The following MCPH1 variants were observed in gnomAD, a reference collection of about 807,000 sequenced individuals.
MCPH1 encodes the protein microcephalin 1, also known as microcephalin.
MCPH1 carries 104 observed loss-of-function variants against 84.5 expected under a neutral mutation model. That is an observed-to-expected ratio of 1.23 (90% CI 1.05 to 1.45). The LOEUF is 1.45. Among genes scored for constraint, MCPH1 ranks in the 40% most tolerant of loss-of-function variants. The pLI is 0.00. For missense variants in MCPH1, 1,498 were observed against 1,005.7 expected, an observed-to-expected ratio of 1.49 and a Z score of -6.62; for synonymous variants, 514 against 366.8, an observed-to-expected ratio of 1.40 and a Z score of -4.58.
intron 4 of MCPH1, 122 bp from the exon 5 acceptor site, chr8:6,435,926 C>A: frequency 1.7e-6 from 2 of 1,187,080 alleles, no homozygotes; most frequent in African/African-American, 1.6e-5. Flanking sequence ...GCAAGAAACA[C>A]CTCTTTTAGA....
chr8:6,407,947 T>C (rs1188508145), intron 1 of MCPH1, among the ~76,000 whole-genome samples: 1 of 152,218 alleles, frequency 6.6e-6, no homozygotes, highest in African/African-American at 2.4e-5. Flanking sequence ...TAAAGTTTTA[T>C]TGGAACACAG....
intron 3 of MCPH1, among the ~76,000 whole-genome samples, chr8:6,422,380 G>C (rs1800338850): frequency 1.3e-5 from 2 of 152,232 alleles, no homozygotes; most frequent in African/African-American, 4.8e-5. Flanking sequence ...GAAATGTGGA[G>C]GGGAGAGTGC....
At chr8:6,601,629 C>T (rs544161080) in intron 12 of MCPH1, among the ~76,000 whole-genome samples, 19 of 149,220 alleles carry the variant, frequency 1.3e-4, no homozygotes, top group Non-Finnish European at 2.4e-4. Flanking sequence ...CACCCACATG[C>T]ACACCATACA....
intron 9 of MCPH1, among the ~76,000 whole-genome samples, chr8:6,473,381 A>AGTG (rs1417344405): frequency 8.8e-6 from 1 of 113,402 alleles, no homozygotes; most frequent in African/African-American, 3.4e-5. Context: ...CCCAGGCTGG[A>AGTG]GTGCAGTGGC....
intron 12 of MCPH1, chr8:6,532,436 G>A: frequency 1.2e-6 from 2 of 1,613,932 alleles, no homozygotes; most frequent in Non-Finnish European, 1.7e-6. Flanking sequence ...ACTGCATTCT[G>A]CTGTATCTCT....
intron 13 of MCPH1, among the ~76,000 whole-genome samples, chr8:6,642,038 TC>T (rs1407292979): frequency 1.3e-5 from 2 of 152,186 alleles, no homozygotes; most frequent in East Asian, 3.8e-4. Flanking sequence ...ATTTTTTTCT[TC>T]CATTTCTAAA....
intron 12 of MCPH1, chr8:6,503,309 T>C (rs1429991116): frequency 6.2e-7 from 1 of 1,603,554 alleles, no homozygotes; most frequent in African/African-American, 1.3e-5. Context: ...TGATGCCAGC[T>C]CCCACCACGA....
intron 11 of MCPH1, among the ~76,000 whole-genome samples, chr8:6,492,590 A>G (rs1373750954): frequency 6.6e-6 from 1 of 150,852 alleles, no homozygotes; most frequent in Non-Finnish European, 1.5e-5. Flanking sequence ...TTTCTATGCT[A>G]TAGAAATAGC....
rs1480832326 is a variant in MCPH1, at chr8:6,505,391, G to GTA, written c.2214+5467_2214+5468dup. ...TAGAATATATATATTCTTTCTATAT[G>GTA]TATATAGAATATATATATTCTTTAT... is the stretch of plus-strand genomic sequence containing the variant. On this transcript the variant is annotated intron_variant, in intron 12 of 13. Transcript: ENST00000344683. Among the ~76,000 whole-genome samples, 207 of 48,916 alleles carry GTA rather than the reference G, an allele frequency of 4.2e-3. 47 individuals are homozygous for GTA. The highest frequency in any genetic ancestry group is 9.1e-3 in the Non-Finnish European group (199 of 21,910). The allele number at this position is 48,916 out of a possible 152,430, so 32.1% of individuals were successfully genotyped here.
intron 12 of MCPH1, among the ~76,000 whole-genome samples, chr8:6,530,862 C>G (rs1018910424): frequency 3.3e-5 from 5 of 152,196 alleles, no homozygotes; most frequent in African/African-American, 1.2e-4. Flanking sequence ...TAGAATGAGT[C>G]TTACGAGAGT....
chr8:6,489,031 A>G lies in MCPH1; in HGVS notation c.2136+8155A>G, dbSNP rs77574953. 2.3e-3 allele frequency among the ~76,000 whole-genome samples: 351 copies of G among 152,222 alleles called. 4 individuals are homozygous for G. The highest frequency in any genetic ancestry group is 8.1e-3 in the African/African-American group (338 of 41,532). On this transcript the variant is annotated intron_variant, in intron 11 of 13. Transcript: ENST00000344683. ...TTCCTGGGGCGACTAACTATAGATAATGGTGCCATTTGCAGAGTTAGGGAA... is the reference window on the plus strand; with the variant it reads ...TTCCTGGGGCGACTAACTATAGATAGTGGTGCCATTTGCAGAGTTAGGGAA...
intron 10 of MCPH1, among the ~76,000 whole-genome samples, chr8:6,479,765 G>T (rs930611128): frequency 6.6e-6 from 1 of 152,138 alleles, no homozygotes; most frequent in African/African-American, 2.4e-5. Flanking sequence ...AGGGAAGAAA[G>T]AACTGAGGGT....
Position 6,592,641 on chromosome 8 carries a change from T to TTTG in MCPH1, c.2215-28809_2215-28807dup, listed in dbSNP as rs1554469218. 2.9e-3 allele frequency among the ~76,000 whole-genome samples: 310 copies of TTTG among 107,068 alleles called. 1 individual carries two copies. The highest frequency in any genetic ancestry group is 0.012 in the East Asian group (34 of 2,946). The allele number at this position is 107,068 out of a possible 152,430, so 70.2% of individuals were successfully genotyped here. A position where few individuals can be genotyped will look rare whatever the true frequency, so the allele number is the denominator to read the frequency against. ...TTTTTTTGTTTTTTTTTTTTTTTTT[T>TTTG]TTGTTGCTGTTGTTGTTTGTTTGTT... On this transcript the variant is annotated intron_variant, in intron 12 of 13. Transcript: ENST00000344683.
At chr8:6,522,695 A>G (rs1212892872) in intron 12 of MCPH1, among the ~76,000 whole-genome samples, 1 of 147,774 alleles carries the variant, frequency 6.8e-6, no homozygotes, top group African/African-American at 2.5e-5. Context: ...AACTGCTTGA[A>G]CCCGGGAGGT....
At position 6,431,597 on chromosome 8, in the gene MCPH1, G is replaced by T. The variant is rs2129554052; in HGVS notation, c.321+11G>T. 1 of 1,535,790 alleles carries T rather than the reference G, an allele frequency of 6.5e-7. No homozygotes were observed. The highest frequency in any genetic ancestry group is 1.1e-5 in the South Asian group (1 of 87,556). On this transcript the variant is annotated intron_variant, in intron 4 of 13. Transcript: ENST00000344683. ...CTAATTAAAAAAAAAGTAAGTACATGATTTCAATGTAGATAATGGCAATTA... is the reference window on the plus strand; with the variant it reads ...CTAATTAAAAAAAAAGTAAGTACATTATTTCAATGTAGATAATGGCAATTA...
chr8:6,478,270 A>T (rs897108472), intron 10 of MCPH1, among the ~76,000 whole-genome samples: 2 of 152,288 alleles, frequency 1.3e-5, no homozygotes, highest in East Asian at 1.9e-4. Context: ...CAGTAGTGGG[A>T]TCCTTTTCCT....
intron 12 of MCPH1, chr8:6,521,423 A>C: frequency 1.3e-6 from 2 of 1,576,172 alleles, no homozygotes; most frequent in Non-Finnish European, 1.7e-6. Flanking sequence ...TGTAAGGAAA[A>C]GAATTGTTAG....
intron 12 of MCPH1, among the ~76,000 whole-genome samples, chr8:6,585,377 G>T (rs982527754): frequency 6.6e-6 from 1 of 152,224 alleles, no homozygotes; most frequent in Non-Finnish European, 1.5e-5. Flanking sequence ...GAAGCTGTGT[G>T]TGGCCACCAC....
intron 11 of MCPH1, among the ~76,000 whole-genome samples, chr8:6,496,644 G>A (rs1811265632): frequency 6.6e-6 from 1 of 152,000 alleles, no homozygotes; most frequent in African/African-American, 2.4e-5. Context: ...GGTATGCTTG[G>A]ATAAGGCTGG....
Sources: allele counts gnomAD v4.1 joint callset (sites outside exome capture counted in the v4.1 genomes callset), GRCh38; gene constraint gnomAD v4.1.1; transcripts MANE v1.5; gene names NCBI Gene and HGNC (gene_info 2026-07-23, HGNC 2026-07-21).